Variants in CFAP54 observed in about 807,000 individuals in gnomAD.
The protein encoded by CFAP54 is cilia and flagella associated protein 54.
Under a neutral mutation model 370.4 loss-of-function variants are expected in CFAP54, and 290 were observed. That is an observed-to-expected ratio of 0.78 (90% CI 0.71 to 0.86). The LOEUF (loss-of-function observed/expected upper bound fraction) is 0.86, where lower values mean the gene tolerates loss of function less well. CFAP54 is among the 40% of genes least tolerant of loss of function. CFAP54 has a pLI of 0.00. For synonymous variants in CFAP54, 1,206 were observed against 1,236.5 expected (o/e 0.98, Z 0.52); for missense variants, 3,399 against 3,528.7 (o/e 0.96, Z 0.93).
chr12:96,753,788 A>T lies in CFAP54; in HGVS notation c.7730A>T (p.Asp2577Val). ...KQVYYKNKRK[D>V]PSKWLPALHL... ...GTATATTACAAGAATAAAAGGAAGG[A>T]CCCCTCGAAGTGGTTACCTGCTCTT... Residue 2577 changes from aspartate to valine, a missense_variant, in exon 56 of 68, where the codon GAC becomes GTC. By Grantham distance (152) the Asp-to-Val change is radical. Coordinates refer to ENST00000524981, the MANE Select transcript of CFAP54 (RefSeq NM_001306084.2). The T allele has an allele frequency of 6.2e-7, 1 of 1,613,884 alleles. No individual in the cohort carries two copies. The highest frequency in any genetic ancestry group is 8.5e-7 in the Non-Finnish European group (1 of 1,179,920).
At chr12:96,654,374 G>C (rs940612701) in intron 36 of CFAP54, among the ~76,000 whole-genome samples, 1 of 151,194 alleles carries the variant, frequency 6.6e-6, no homozygotes, top group African/African-American at 2.4e-5. Flanking sequence ...AGTGGCGGGC[G>C]CCTGTAGTCC....
intron 1 of CFAP54, among the ~76,000 whole-genome samples, chr12:96,499,330 G>T (rs1954996517): frequency 6.6e-6 from 1 of 152,108 alleles, no homozygotes; most frequent in Non-Finnish European, 1.5e-5. Flanking sequence ...CCTCACCAAA[G>T]AAGACATACA....
chr12:96,724,989 T>A (rs1313986735), intron 50 of CFAP54, among the ~76,000 whole-genome samples: 5 of 152,176 alleles, frequency 3.3e-5, no homozygotes, highest in Admixed American at 3.3e-4. Flanking sequence ...TAGTTTTAGA[T>A]ATGTGGCGTT....
chr12:96,650,003 G>A lies in CFAP54; in HGVS notation c.4803G>A (p.Lys1601=). 1 of 1,613,830 alleles carries A rather than the reference G, an allele frequency of 6.2e-7. No individual in the cohort carries two copies. The highest frequency in any genetic ancestry group is 8.5e-7 in the Non-Finnish European group (1 of 1,179,894). The change falls in exon 35 of 68, where the codon AAG becomes AAA. Residue 1601 remains lysine (K), a synonymous_variant. Transcript: ENST00000524981. ...DSQSGSSAKE[K]DRGANLCVMD... Reference sequence around the variant, plus strand: ...AATCAGGTTCTAGTGCTAAAGAAAAGGACCGAGGAGCAAATTTGTGTGTAA... The same window carrying A: ...AATCAGGTTCTAGTGCTAAAGAAAAAGACCGAGGAGCAAATTTGTGTGTAA...
chr12:96,645,041 G>A (rs1011063301), intron 33 of CFAP54: 10 of 394,488 alleles, frequency 2.5e-5, no homozygotes, highest in African/African-American at 1.5e-4. Flanking sequence ...AGTTTAATAT[G>A]AATTATAGAA....
chr12:96,691,347 G>A, intron 44 of CFAP54, 37 bp downstream of exon 44: 1 of 1,463,150 alleles, frequency 6.8e-7, no homozygotes, highest in Non-Finnish European at 9.2e-7. Context: ...TATATCACTG[G>A]GATATTTTGC....
At chr12:96,588,772 G>A (rs1322686794) in intron 22 of CFAP54, among the ~76,000 whole-genome samples, 7 of 152,070 alleles carry the variant, frequency 4.6e-5, no homozygotes, top group Non-Finnish European at 4.4e-5. Flanking sequence ...TTTTAGGAAC[G>A]TCTTTAAAGA....
At position 96,635,874 on chromosome 12, in the gene CFAP54, T is replaced by G. The variant is rs544637448; in HGVS notation, c.4316+5223T>G. On this transcript the variant is annotated intron_variant, in intron 32 of 67. Coordinates refer to ENST00000524981, the MANE Select transcript of CFAP54 (RefSeq NM_001306084.2). ...GACGGCTTCTGAGCACAGGAGCTACTGTCCCTGTGGAGTTGGGAGCACCAC... is the reference window on the plus strand; with the variant it reads ...GACGGCTTCTGAGCACAGGAGCTACGGTCCCTGTGGAGTTGGGAGCACCAC... Among the ~76,000 whole-genome samples the G allele has an allele frequency of 2.0e-5, 3 of 152,354 alleles. No individual in the cohort carries two copies. The South Asian group carries it at 6.2e-4, about 32-fold the overall frequency.
At chr12:96,577,923 G>A (rs1955996171) in intron 20 of CFAP54, among the ~76,000 whole-genome samples, 2 of 151,988 alleles carry the variant, frequency 1.3e-5, no homozygotes, top group South Asian at 4.2e-4. Context: ...TTAGCTGGGC[G>A]TTGTGGCAGG....
At chr12:96,664,599 C>G (rs1480012250) in intron 39 of CFAP54, among the ~76,000 whole-genome samples, 5 of 142,920 alleles carry the variant, frequency 3.5e-5, no homozygotes, top group Admixed American at 7.2e-5. Context: ...AATGTTCTTC[C>G]AGCTGTGCCT....
At chr12:96,672,462 G>C (rs1957158849) in intron 39 of CFAP54, among the ~76,000 whole-genome samples, 1 of 152,202 alleles carries the variant, frequency 6.6e-6, no homozygotes, top group South Asian at 2.1e-4. Context: ...CAGAAGGAAT[G>C]AAAGAGTGGG....
chr12:96,646,490 A>G (rs1039317992), intron 33 of CFAP54: 2 of 152,288 alleles, frequency 1.3e-5, no homozygotes, highest in East Asian at 1.9e-4. Context: ...ACACTTTTAC[A>G]CGGTTGGTGG....
intron 19 of CFAP54, among the ~76,000 whole-genome samples, chr12:96,573,432 G>T (rs1301759267): frequency 6.6e-6 from 1 of 151,960 alleles, no homozygotes; most frequent in Non-Finnish European, 1.5e-5. Flanking sequence ...CTCACCTTTT[G>T]TTACCCTTCA....
At chr12:96,663,956 T>G in intron 39 of CFAP54, 24 bp downstream of exon 39, 2 of 1,546,568 alleles carry the variant, frequency 1.3e-6, no homozygotes, top group Non-Finnish European at 1.8e-6. Flanking sequence ...TTAGCTTGAA[T>G]GTTTGTTTTC....
At chr12:96,581,614 C>G (rs1047637467) in intron 22 of CFAP54, among the ~76,000 whole-genome samples, 3 of 152,066 alleles carry the variant, frequency 2.0e-5, no homozygotes, top group African/African-American at 7.2e-5. Flanking sequence ...TTGAGAAACC[C>G]TAATCCAGAG....
Position 96,647,912 on chromosome 12 carries a change from A to G in CFAP54, c.4585A>G (p.Asn1529Asp). Reference protein sequence around the residue: ...SCDPNMFSLYNSGTVLPTRKL... With the variant: ...SCDPNMFSLYDSGTVLPTRKL... ...TGATCCTAACATGTTTTCACTGTAT[A>G]ATTCAGGAACAGTATTACCAACAAG... is the stretch of plus-strand genomic sequence containing the variant. Residue 1529 changes from asparagine to aspartate, a missense_variant, in exon 34 of 68, where the codon AAT becomes GAT. Physicochemically the swap from Asn to Asp is conservative, Grantham distance 23. Transcript: ENST00000524981. 6.6e-7 allele frequency: 1 copy of G among 1,514,002 alleles called. No individual in the cohort carries two copies. The highest frequency in any genetic ancestry group is 8.8e-7 in the Non-Finnish European group (1 of 1,139,550). 93.8% of individuals were successfully genotyped at this position (1,514,002 alleles called of 1,614,324 possible).
intron 63 of CFAP54, among the ~76,000 whole-genome samples, chr12:96,810,060 G>A (rs112632170): frequency 3.3e-5 from 5 of 152,224 alleles, no homozygotes; most frequent in South Asian, 4.1e-4. Context: ...GGAGGCAAGG[G>A]AAAGGAGGAG....
At chr12:96,525,025 A>T (rs1955362309) in intron 8 of CFAP54, among the ~76,000 whole-genome samples, 1 of 152,154 alleles carries the variant, frequency 6.6e-6, no homozygotes, top group African/African-American at 2.4e-5. Flanking sequence ...GAATTGAAGG[A>T]CATAAACACT....
At position 96,772,820 on chromosome 12, in the gene CFAP54, A is replaced by T. The variant is rs1417402430; in HGVS notation, c.8281+7602A>T. 5.9e-5 allele frequency among the ~76,000 whole-genome samples: 9 copies of T among 152,194 alleles called. No homozygotes were observed. The East Asian group carries it at 1.5e-3, about 26-fold the overall frequency. On this transcript the variant is annotated intron_variant, in intron 60 of 67. Coordinates refer to ENST00000524981, the MANE Select transcript of CFAP54 (RefSeq NM_001306084.2). The stretch of plus-strand genomic sequence containing the variant: ...TTTTTAGTAGAGACAGGGTTTCACC[A>T]TGTTGGCCAGGCTGGTCTTGAACTC...
Sources: allele counts gnomAD v4.1 joint callset (sites outside exome capture counted in the v4.1 genomes callset), GRCh38; gene constraint gnomAD v4.1.1; transcripts MANE v1.5; gene names NCBI Gene and HGNC (gene_info 2026-07-23, HGNC 2026-07-21).